The following LDAH variants were observed in gnomAD, a reference collection of about 807,000 sequenced individuals.
The protein encoded by LDAH is lipid droplet-associated hydrolase.
Under a neutral mutation model 29.6 loss-of-function variants are expected in LDAH, and 26 were observed. The ratio of observed to expected loss-of-function variants is 0.88; its 90% CI spans 0.64 to 1.22. LDAH has a LOEUF of 1.22. LDAH is among the 50% of genes most tolerant of loss of function. The probability of loss-of-function intolerance (pLI) is 0.00; values close to 1 mark genes in which losing one functional copy is unlikely to be tolerated. For missense variants in LDAH, 344 were observed against 387.3 expected (o/e 0.89, Z 0.94); for synonymous variants, 117 against 133.0 (o/e 0.88, Z 0.83).
intron 6 of LDAH, among the ~76,000 whole-genome samples, chr2:20,688,084 C>A (rs924841730): frequency 6.6e-6 from 1 of 152,164 alleles, no homozygotes; most frequent in African/African-American, 2.4e-5. Context: ...ACAAATGGAG[C>A]ACCTACTTTG....
intron 4 of LDAH, among the ~76,000 whole-genome samples, chr2:20,759,479 G>A (rs1166683290): frequency 1.3e-5 from 2 of 152,074 alleles, no homozygotes; most frequent in African/African-American, 2.4e-5. Flanking sequence ...TTCCATTTCA[G>A]GAAATTTTTT....
chr2:20,748,064 T>C (rs1368711964), intron 4 of LDAH, among the ~76,000 whole-genome samples: 2 of 152,228 alleles, frequency 1.3e-5, no homozygotes, highest in Non-Finnish European at 2.9e-5. Context: ...GGGCTAATCT[T>C]TACAAGTGTC....
At position 20,685,885 on chromosome 2, in the gene LDAH, TA is replaced by T. The variant is rs2149318524; in HGVS notation, c.*1017del. Reference sequence around the variant, plus strand: ...ATAATTTCTTTCCAGCAAATGAAGTTAATGCAGAAATGGAGAGTTAATGTAT... The same window carrying T: ...ATAATTTCTTTCCAGCAAATGAAGTTATGCAGAAATGGAGAGTTAATGTAT... On this transcript the variant is annotated 3_prime_UTR_variant, in exon 7 of 7. Coordinates refer to ENST00000237822, the MANE Select transcript of LDAH (RefSeq NM_021925.4). 1 of 464,174 alleles carries T rather than the reference TA, an allele frequency of 2.2e-6. No homozygotes were observed. Among genetic ancestry groups the T allele is most frequent in the East Asian group, 3.8e-5 (1 of 26,568 alleles). 28.8% of individuals were successfully genotyped at this position (464,174 alleles called of 1,614,324 possible).
rs893465256 is a variant in LDAH at position 20,715,544 on chromosome 2, G to T, written c.704-13892C>A. 2.6e-5 allele frequency among the ~76,000 whole-genome samples: 4 copies of T among 152,302 alleles called. No individual in the cohort carries two copies. In the East Asian group the frequency reaches 7.7e-4, roughly 29 times the overall value. On this transcript the variant is annotated intron_variant, in intron 5 of 6. Transcript: ENST00000237822. The stretch of plus-strand genomic sequence containing the variant: ...AGTTCTGGCCAGGGCAATCAGGCAG[G>T]AGAAAGAAATAAAGGGTATTCAATT...
intron 4 of LDAH, among the ~76,000 whole-genome samples, chr2:20,747,069 T>C (rs1256390311): frequency 6.6e-6 from 1 of 152,084 alleles, no homozygotes; most frequent in Non-Finnish European, 1.5e-5. Flanking sequence ...AAGAAACAAT[T>C]TGAGGTATGG....
At chr2:20,733,241 AT>A (rs201609543) in intron 5 of LDAH, among the ~76,000 whole-genome samples, 12 of 149,970 alleles carry the variant, frequency 8.0e-5, no homozygotes, top group African/African-American at 1.7e-4. Context: ...TAATAATTTT[AT>A]TTTTTTTTGA....
chr2:20,793,185 A>G (rs1435829933), intron 2 of LDAH, among the ~76,000 whole-genome samples: 1 of 152,176 alleles, frequency 6.6e-6, no homozygotes, highest in East Asian at 1.9e-4. Context: ...TAGTGGGAGA[A>G]TATACAACAC....
At chr2:20,757,413 A>G (rs1321298318) in intron 4 of LDAH, among the ~76,000 whole-genome samples, 1 of 152,222 alleles carries the variant, frequency 6.6e-6, no homozygotes, top group African/African-American at 2.4e-5. Flanking sequence ...TCCCAATGGC[A>G]TCAAAGTGAC....
chr2:20,690,198 A>G (rs779869272), intron 6 of LDAH, among the ~76,000 whole-genome samples: 2 of 152,092 alleles, frequency 1.3e-5, no homozygotes, highest in Admixed American at 1.3e-4. Flanking sequence ...GGATTAAGGG[A>G]CCCGACACCC....
intron 5 of LDAH, among the ~76,000 whole-genome samples, chr2:20,728,880 C>A (rs949202708): frequency 6.6e-6 from 1 of 151,518 alleles, no homozygotes; most frequent in Non-Finnish European, 1.5e-5. Context: ...CAGATTAGAG[C>A]CAAGGGATTA....
At chr2:20,753,429 G>A (rs936489014) in intron 4 of LDAH, among the ~76,000 whole-genome samples, 4 of 152,132 alleles carry the variant, frequency 2.6e-5, no homozygotes, top group East Asian at 1.9e-4. Flanking sequence ...ACTGGCTGAT[G>A]GGATACATTT....
At chr2:20,804,211 T>C (rs1671913601) in intron 1 of LDAH, among the ~76,000 whole-genome samples, 1 of 152,188 alleles carries the variant, frequency 6.6e-6, no homozygotes, top group Non-Finnish European at 1.5e-5. Flanking sequence ...CCTGCCCAGA[T>C]TGAACATCCT....
At chr2:20,729,872 T>C (rs2149417765) in intron 5 of LDAH, among the ~76,000 whole-genome samples, 1 of 152,294 alleles carries the variant, frequency 6.6e-6, no homozygotes, top group South Asian at 2.1e-4. Flanking sequence ...CACAGCTCGC[T>C]GTAACCTTGA....
chr2:20,804,545 T>C (rs1369958808), intron 1 of LDAH, among the ~76,000 whole-genome samples: 3 of 152,168 alleles, frequency 2.0e-5, no homozygotes, highest in Non-Finnish European at 4.4e-5. Flanking sequence ...AAATTGTAAC[T>C]CAATATAATG....
chr2:20,809,607 T>C (rs1391277883), intron 1 of LDAH, among the ~76,000 whole-genome samples: 2 of 152,116 alleles, frequency 1.3e-5, no homozygotes, highest in Admixed American at 1.3e-4. Context: ...GATATAAAAA[T>C]AGATTTTTGT....
At chr2:20,790,171 G>T in intron 3 of LDAH, 84 bp downstream of exon 3, 1 of 1,422,846 alleles carries the variant, frequency 7.0e-7, no homozygotes, top group Non-Finnish European at 9.7e-7. Context: ...GTTTCCACTG[G>T]TGTAACTCTT....
At chr2:20,722,217 T>C (rs1053525622) in intron 5 of LDAH, among the ~76,000 whole-genome samples, 2 of 151,712 alleles carry the variant, frequency 1.3e-5, no homozygotes, top group Admixed American at 6.6e-5. Context: ...CTACTAAAAA[T>C]GCAAAAATTA....
intron 3 of LDAH, among the ~76,000 whole-genome samples, chr2:20,783,556 A>C (rs773148959): frequency 5.3e-5 from 8 of 152,104 alleles, no homozygotes; most frequent in Non-Finnish European, 8.8e-5. Context: ...TTTATCCCTG[A>C]CATTTTCTTT....
chr2:20,754,908 A>T (rs761068771), intron 4 of LDAH, among the ~76,000 whole-genome samples: 4 of 152,240 alleles, frequency 2.6e-5, no homozygotes, highest in Non-Finnish European at 5.9e-5. Context: ...GGAAAATGCT[A>T]TCAAGGACAT....
Sources: allele counts gnomAD v4.1 joint callset (sites outside exome capture counted in the v4.1 genomes callset), GRCh38; gene constraint gnomAD v4.1.1; transcripts MANE v1.5; gene names NCBI Gene and HGNC (gene_info 2026-07-23, HGNC 2026-07-21).